NBAS: variants seen among roughly 807,000 people sequenced by gnomAD.
NBAS encodes the protein NAG/BC035112 fusion.
Under a neutral mutation model 302.5 loss-of-function variants are expected in NBAS, and 219 were observed. The ratio of observed to expected loss-of-function variants is 0.72; its 90% CI spans 0.65 to 0.81. The LOEUF (loss-of-function observed/expected upper bound fraction) is 0.81, where lower values mean the gene tolerates loss of function less well. Among genes scored for constraint, NBAS ranks in the 30% least tolerant of loss-of-function variants. The probability of loss-of-function intolerance (pLI) is 0.00; values close to 1 mark genes in which losing one functional copy is unlikely to be tolerated. For synonymous variants in NBAS, 1,118 were observed against 1,021.6 expected, an observed-to-expected ratio of 1.09 and a Z score of -1.80; for missense variants, 2,932 against 2,841.6, an observed-to-expected ratio of 1.03 and a Z score of -0.72.
chr2:15,191,685 C>G (rs1055585689), intron 48 of NBAS, among the ~76,000 whole-genome samples: 2 of 152,164 alleles, frequency 1.3e-5, no homozygotes, highest in Admixed American at 1.3e-4. Flanking sequence ...TCACTATAAT[C>G]AGATCAGGAT....
chr2:15,423,348 C>T (rs2148475889), intron 23 of NBAS, among the ~76,000 whole-genome samples: 1 of 152,186 alleles, frequency 6.6e-6, no homozygotes, highest in East Asian at 1.9e-4. Flanking sequence ...TTCCCAACAG[C>T]TCAGCAAATA....
intron 14 of NBAS, among the ~76,000 whole-genome samples, chr2:15,474,541 C>T (rs534480813): frequency 7.4e-6 from 1 of 135,058 alleles, no homozygotes; most frequent in Admixed American, 7.7e-5. Flanking sequence ...TAAACTAAAG[C>T]CTGTTTTTTT....
At chr2:15,108,095 C>T in the NBAS span, among the ~76,000 whole-genome samples, 18 of 152,168 alleles carry the variant, frequency 1.2e-4, no homozygotes, top group East Asian at 3.5e-3. Context: ...TGTTGATGCA[C>T]TTTGGGATTA....
downstream of NBAS, among the ~76,000 whole-genome samples, chr2:15,164,332 A>G (rs567342005): frequency 6.6e-6 from 1 of 152,370 alleles, no homozygotes; most frequent in African/African-American, 2.4e-5. Context: ...TGATGACTTA[A>G]GTTAACACGG....
At chr2:15,285,876 A>G (rs1670017750) in intron 42 of NBAS, among the ~76,000 whole-genome samples, 1 of 152,124 alleles carries the variant, frequency 6.6e-6, no homozygotes, top group African/African-American at 2.4e-5. Context: ...GCTGGTCTCA[A>G]ACTCCTGACC....
chr2:15,202,011 T>C (rs1665897596), intron 48 of NBAS, among the ~76,000 whole-genome samples: 1 of 152,258 alleles, frequency 6.6e-6, no homozygotes, highest in Non-Finnish European at 1.5e-5. Flanking sequence ...TTAGCTCTGC[T>C]TCTTTTCAAA....
chr2:14,842,204 AG>A, the NBAS span, among the ~76,000 whole-genome samples: 1 of 151,946 alleles, frequency 6.6e-6, no homozygotes, highest in African/African-American at 2.4e-5. Flanking sequence ...GGAAGTTAAT[AG>A]AAATAAGTGT....
the NBAS span, among the ~76,000 whole-genome samples, chr2:15,098,313 G>GTA: frequency 0.61 from 1,020 of 1,664 alleles, 479 homozygotes; most frequent in Non-Finnish European, 0.67. Context: ...ATAATATATT[G>GTA]TATATCATAT....
In NBAS at chr2:15,330,710, G is replaced by A. The variant is rs755655217; in HGVS notation, c.4235C>T (p.Ala1412Val). 5.0e-6 allele frequency: 8 copies of A among 1,614,064 alleles called. No individual in the cohort carries two copies. Among genetic ancestry groups the A allele is most frequent in the South Asian group, 4.4e-5 (4 of 91,078 alleles). Residue 1412 changes from alanine to valine, a missense_variant, in exon 36 of 52, where the codon GCT becomes GTT. Physicochemically the swap from Ala to Val is moderately conservative, Grantham distance 64 (BLOSUM62 0). Transcript: ENST00000281513. ...NSADLLRWTT[A>V]TTMKVLSNTT... ...GTTGGAAAGGACTTTCATGGTGGTAGCAGTGGTCCAGCGCAATAGGTCAGC... is the reference window on the plus strand; with the variant it reads ...GTTGGAAAGGACTTTCATGGTGGTAACAGTGGTCCAGCGCAATAGGTCAGC...
rs1049822877 is a variant in NBAS, at chr2:15,443,351, C to T, written c.2340-15557G>A. Among the ~76,000 whole-genome samples, 626 of 149,882 alleles carry T rather than the reference C, an allele frequency of 4.2e-3. 5 individuals are homozygous for T. The highest frequency in any genetic ancestry group is 0.015 in the East Asian group (70 of 4,820). On this transcript the variant is annotated intron_variant, in intron 21 of 51. Transcript: ENST00000281513. ...TGGGATGCAAGGCTGGTTCAATATACGCAAATCAATAAATGTAATCCAGCA... is the reference window on the plus strand; with the variant it reads ...TGGGATGCAAGGCTGGTTCAATATATGCAAATCAATAAATGTAATCCAGCA...
chr2:15,317,073 C>G (rs1166939058), intron 38 of NBAS, among the ~76,000 whole-genome samples: 3 of 152,204 alleles, frequency 2.0e-5, no homozygotes, highest in Non-Finnish European at 1.5e-5. Flanking sequence ...ATTTGCTGTT[C>G]TGCAGCCTCC....
At chr2:15,537,216 G>A (rs1386815374) in intron 7 of NBAS, among the ~76,000 whole-genome samples, 2 of 152,124 alleles carry the variant, frequency 1.3e-5, no homozygotes, top group African/African-American at 2.4e-5. Context: ...AAAATTCTTT[G>A]CCCTCCCCTT....
At chr2:15,211,234 C>A (rs1257407427) in intron 48 of NBAS, among the ~76,000 whole-genome samples, 1 of 151,464 alleles carries the variant, frequency 6.6e-6, no homozygotes, top group African/African-American at 2.4e-5. Context: ...TCTCATGTAA[C>A]CCAAAAATAT....
At chr2:14,965,366 T>C in the NBAS span, among the ~76,000 whole-genome samples, 1 of 152,094 alleles carries the variant, frequency 6.6e-6, no homozygotes, top group Admixed American at 6.6e-5. Flanking sequence ...CTACAGATAT[T>C]AAAAGGATAA....
chr2:14,869,197 T>C, the NBAS span, among the ~76,000 whole-genome samples: 5 of 152,202 alleles, frequency 3.3e-5, no homozygotes, highest in African/African-American at 4.8e-5. Context: ...TCTTTCTTGC[T>C]CTTTGCCAAG....
At chr2:15,555,800 AC>A (rs1664618476) in intron 3 of NBAS, among the ~76,000 whole-genome samples, 1 of 152,194 alleles carries the variant, frequency 6.6e-6, no homozygotes, top group African/African-American at 2.4e-5. Flanking sequence ...CACACAGAGG[AC>A]AGGGCTTGTA....
chr2:15,052,561 TG>T, the NBAS span, among the ~76,000 whole-genome samples: 1 of 152,214 alleles, frequency 6.6e-6, no homozygotes, highest in Non-Finnish European at 1.5e-5. Context: ...TCGAATGTTG[TG>T]GCTTTGCCTC....
At chr2:14,801,842 G>C in the NBAS span, among the ~76,000 whole-genome samples, 59,621 of 151,120 alleles carry the variant, frequency 0.39, 12,208 homozygotes, top group African/African-American at 0.5. Context: ...GTCTGTTCAT[G>C]TCCTTCGCCC....
intron 11 of NBAS, among the ~76,000 whole-genome samples, chr2:15,495,747 C>T (rs1042290137): frequency 2.0e-5 from 3 of 152,076 alleles, no homozygotes; most frequent in African/African-American, 7.2e-5. Context: ...ACAAGAACCA[C>T]TTCACACCTA....
Sources: gnomAD v4.1 joint callset for allele counts (sites outside exome capture counted in the v4.1 genomes callset) on GRCh38, gnomAD v4.1.1 for gene constraint, MANE v1.5 for transcripts, NCBI Gene and HGNC (gene_info 2026-07-23, HGNC 2026-07-21) for gene names.